RASGRF2: variants seen among roughly 807,000 people sequenced by gnomAD.
RASGRF2 encodes the protein ras-specific guanine nucleotide-releasing factor 2.
In RASGRF2, 76 loss-of-function variants were observed where a neutral mutation model predicts 151.0. That is an observed-to-expected ratio of 0.50 (90% CI 0.42 to 0.61). The LOEUF is 0.61. RASGRF2 is among the 20% of genes least tolerant of loss of function. RASGRF2 has a pLI of 0.00. For synonymous variants in RASGRF2, 504 were observed against 566.5 expected, an observed-to-expected ratio of 0.89 and a Z score of 1.57; for missense variants, 1,148 against 1,564.6, an observed-to-expected ratio of 0.73 and a Z score of 4.49.
chr5:81,028,032 TG>T (rs1561563205), intron 1 of RASGRF2, among the ~76,000 whole-genome samples: 1 of 151,292 alleles, frequency 6.6e-6, no homozygotes, highest in Non-Finnish European at 1.5e-5. Flanking sequence ...CACCATGGAG[TG>T]GGGGTGGGGA....
chr5:81,108,873 TGTGTGTGTAAGAGACAGG>T, intron 12 of RASGRF2, 105 bp from the exon 13 acceptor site: 1 of 1,106,588 alleles, frequency 9.0e-7, no homozygotes, highest in Admixed American at 2.7e-5. Context: ...TGTGTGTGTG[TGTGTGTGTAAGAGACAGG>T]GAGAGAGAAA....
rs191219429 is a variant in RASGRF2 at position 81,123,161 on chromosome 5, C to G, written c.2471-481C>G. Among the ~76,000 whole-genome samples, 21 of 152,230 alleles carry G rather than the reference C, an allele frequency of 1.4e-4. 1 individual carries two copies. The East Asian group carries it at 2.9e-3, about 21-fold the overall frequency. Reference sequence around the variant, plus strand: ...TGGGTAGTGCTGTCATTTTGGACAACATAGCTTTAGATCTCTGGGAGACCC... The same window carrying G: ...TGGGTAGTGCTGTCATTTTGGACAAGATAGCTTTAGATCTCTGGGAGACCC... On this transcript the variant is annotated intron_variant, in intron 15 of 26. Coordinates refer to ENST00000265080, the MANE Select transcript of RASGRF2 (RefSeq NM_006909.3).
chr5:81,053,262 T>C (rs1402278930), intron 2 of RASGRF2, among the ~76,000 whole-genome samples: 9 of 142,470 alleles, frequency 6.3e-5, no homozygotes, highest in East Asian at 4.3e-4. Flanking sequence ...TCTCCTAATG[T>C]TTTCCCTCCC....
chr5:81,005,159 T>C (rs1452936723), intron 1 of RASGRF2, among the ~76,000 whole-genome samples: 1 of 152,210 alleles, frequency 6.6e-6, no homozygotes, highest in Non-Finnish European at 1.5e-5. Flanking sequence ...TAGTGTATTA[T>C]TCTATTCCCA....
intron 12 of RASGRF2, among the ~76,000 whole-genome samples, chr5:81,099,098 A>G (rs1752624678): frequency 6.6e-6 from 1 of 152,204 alleles, no homozygotes; most frequent in South Asian, 2.1e-4. Flanking sequence ...TCTAAACTCC[A>G]TAAGCTCCAT....
intron 1 of RASGRF2, among the ~76,000 whole-genome samples, chr5:81,026,807 A>G (rs953832129): frequency 1.3e-5 from 2 of 152,204 alleles, no homozygotes; most frequent in Admixed American, 6.5e-5. Flanking sequence ...TAACTTTTTT[A>G]TACTTTGAAG....
Position 81,073,325 on chromosome 5 carries a change from G to T in RASGRF2, c.760G>T (p.Ala254Ser). ...RNQIVFTMVE[A>S]ESEYVHQLYI... is the part of the protein sequence containing the mutation. ...CCAGATTGTGTTCACCATGGTGGAG[G>T]CAGAGTCAGAGTACGTTCACCAGCT... The change falls in exon 5 of 27, where the codon GCA (alanine) becomes TCA (serine). Residue 254 changes from alanine to serine, a missense_variant. Physicochemically the swap from Ala to Ser is moderately conservative, Grantham distance 99. This residue lies in a region of RASGRF2 where 176 missense variants were observed against 309.6 expected (regional missense o/e 0.57). Coordinates refer to ENST00000265080, the MANE Select transcript of RASGRF2 (RefSeq NM_006909.3). The T allele has an allele frequency of 6.2e-7, 1 of 1,614,144 alleles. No individual in the cohort carries two copies. Among genetic ancestry groups the T allele is most frequent in the South Asian group, 1.1e-5 (1 of 91,080 alleles).
chr5:80,992,971 T>G (rs994881946), intron 1 of RASGRF2, among the ~76,000 whole-genome samples: 4 of 152,186 alleles, frequency 2.6e-5, no homozygotes, highest in African/African-American at 9.7e-5. Flanking sequence ...GGTAAAACCA[T>G]TTTTTCCTGG....
chr5:80,989,801 A>G (rs984121009), intron 1 of RASGRF2, among the ~76,000 whole-genome samples: 1 of 152,336 alleles, frequency 6.6e-6, no homozygotes, highest in South Asian at 2.1e-4. Context: ...GTGTAGTTAT[A>G]CTGTAGTTAA....
intron 1 of RASGRF2, among the ~76,000 whole-genome samples, chr5:80,978,893 C>T (rs1053489408): frequency 6.6e-6 from 1 of 152,142 alleles, no homozygotes; most frequent in African/African-American, 2.4e-5. Flanking sequence ...ATTTTGCTTG[C>T]CAGTAATTAT....
intron 17 of RASGRF2, among the ~76,000 whole-genome samples, chr5:81,163,586 T>C (rs531068506): frequency 1.7e-4 from 26 of 152,276 alleles, no homozygotes; most frequent in Admixed American, 1.5e-3. Flanking sequence ...TTGTGCAACA[T>C]GTGGTCTCGC....
chr5:81,182,645 G>C (rs932733170), intron 18 of RASGRF2, among the ~76,000 whole-genome samples: 1 of 152,140 alleles, frequency 6.6e-6, no homozygotes, highest in South Asian at 2.1e-4. Flanking sequence ...TAAATGGTTC[G>C]AATAGACAGA....
intron 1 of RASGRF2, among the ~76,000 whole-genome samples, chr5:80,994,659 C>T (rs1307691143): frequency 6.6e-6 from 1 of 152,140 alleles, no homozygotes; most frequent in African/African-American, 2.4e-5. Context: ...GACTGCCTCT[C>T]CTGTGAAGAA....
chr5:81,169,681 G>C (rs1301155257), intron 17 of RASGRF2, among the ~76,000 whole-genome samples: 2 of 152,172 alleles, frequency 1.3e-5, no homozygotes, highest in Non-Finnish European at 2.9e-5. Flanking sequence ...ATGTGGATTT[G>C]GGGAGAATAC....
At chr5:81,216,649 A>G (rs1369881628) in intron 24 of RASGRF2, among the ~76,000 whole-genome samples, 1 of 152,230 alleles carries the variant, frequency 6.6e-6, no homozygotes, top group African/African-American at 2.4e-5. Context: ...GAAATTCAAG[A>G]GATAAGCTTT....
At chr5:81,218,228 G>A (rs559377089) in intron 25 of RASGRF2, among the ~76,000 whole-genome samples, 123 of 152,282 alleles carry the variant, frequency 8.1e-4, no homozygotes, top group Middle Eastern at 3.4e-3. Context: ...ACTAATACCC[G>A]ATGTGGGCTG....
chr5:81,098,435 C>T (rs974471057), intron 12 of RASGRF2, among the ~76,000 whole-genome samples: 3 of 152,144 alleles, frequency 2.0e-5, no homozygotes, highest in African/African-American at 4.8e-5. Context: ...CTGTTGAGAT[C>T]GCCAAGGGAA....
At chr5:81,043,446 T>A (rs1361028720) in intron 2 of RASGRF2, among the ~76,000 whole-genome samples, 1 of 152,200 alleles carries the variant, frequency 6.6e-6, no homozygotes, top group Non-Finnish European at 1.5e-5. Context: ...TTGTAAACCC[T>A]GCTCTGTGCA....
chr5:81,131,643 C>T (rs909844577), intron 17 of RASGRF2, among the ~76,000 whole-genome samples: 1 of 151,430 alleles, frequency 6.6e-6, no homozygotes, highest in African/African-American at 2.4e-5. Context: ...GTGTGAGCCA[C>T]TGCGCCTGGC....
Sources: gnomAD v4.1 joint callset for allele counts (sites outside exome capture counted in the v4.1 genomes callset) on GRCh38, gnomAD v4.1.1 for gene constraint, gnomAD v4.1.1 regional missense constraint, MANE v1.5 for transcripts, NCBI Gene and HGNC (gene_info 2026-07-23, HGNC 2026-07-21) for gene names.